ARHGAP44: variants seen among roughly 807,000 people sequenced by gnomAD.
The protein encoded by ARHGAP44 is Rho GTPase activating protein 44.
In ARHGAP44, 43 loss-of-function variants were observed where a neutral mutation model predicts 106.8. The ratio of observed to expected loss-of-function variants is 0.40; its 90% CI spans 0.32 to 0.52. The LOEUF (loss-of-function observed/expected upper bound fraction) is 0.52, where lower values mean the gene tolerates loss of function less well. Among genes scored for constraint, ARHGAP44 ranks in the 20% least tolerant of loss-of-function variants. The probability of loss-of-function intolerance (pLI) is 0.48; values close to 1 mark genes in which losing one functional copy is unlikely to be tolerated. For synonymous variants in ARHGAP44, 439 were observed against 410.3 expected (o/e 1.07, Z -0.85); for missense variants, 866 against 1,050.5 (o/e 0.82, Z 2.43).
chr17:12,944,048 CTT>C lies in ARHGAP44; in HGVS notation c.734-19_734-18del, dbSNP rs773051397. ...GAACTTGGCGAACAGCTGACTGACT[CTT>C]TCTCACTCCTCCCCTCAGAGGCCTG... is the stretch of plus-strand genomic sequence containing the variant. On this transcript the variant is annotated intron_variant, in intron 9 of 20. Coordinates refer to ENST00000379672, the MANE Select transcript of ARHGAP44 (RefSeq NM_014859.6). 14 of 1,580,428 alleles carry C rather than the reference CTT, an allele frequency of 8.9e-6. No individual in the cohort carries two copies. The highest frequency in any genetic ancestry group is 1.3e-5 in the African/African-American group (1 of 74,092).
chr17:12,791,860 C>T (rs577705064), intron 1 of ARHGAP44, among the ~76,000 whole-genome samples: 3 of 152,290 alleles, frequency 2.0e-5, no homozygotes, highest in Middle Eastern at 3.4e-3. Flanking sequence ...TTGTGTTGTG[C>T]ACTGGGCCAG....
At chr17:12,861,570 GTCCTCATACCACATCGCTCTGA>G (rs1177349979) in intron 1 of ARHGAP44, among the ~76,000 whole-genome samples, 1 of 151,200 alleles carries the variant, frequency 6.6e-6, no homozygotes, top group Non-Finnish European at 1.5e-5. Flanking sequence ...GGGTTGTGCT[GTCCTCATACCACATCGCTCTGA>G]TCCTTCTTTG....
Position 12,981,855 on chromosome 17 carries a change from A to G in ARHGAP44, c.1939+1622A>G, listed in dbSNP as rs555196366. On this transcript the variant is annotated intron_variant, in intron 19 of 20. Coordinates refer to ENST00000379672, the MANE Select transcript of ARHGAP44 (RefSeq NM_014859.6). ...GTGAAACCCGTCTCTACTAAAATAT[A>G]AAAAAATCAGCTGGGCGTGGTGGTG... is the stretch of plus-strand genomic sequence containing the variant. 5.9e-5 allele frequency among the ~76,000 whole-genome samples: 9 copies of G among 152,012 alleles called. No homozygotes were observed. In the East Asian group the frequency reaches 1.8e-3, roughly 30 times the overall value.
At chr17:12,803,242 G>C (rs1597862948) in intron 1 of ARHGAP44, among the ~76,000 whole-genome samples, 1 of 151,776 alleles carries the variant, frequency 6.6e-6, no homozygotes, top group East Asian at 2.0e-4. Context: ...AAAGTGCTGG[G>C]ATTACAAGCG....
chr17:12,974,099 A>C lies in ARHGAP44; in HGVS notation c.1552A>C (p.Arg518=). 6.4e-7 allele frequency: 1 copy of C among 1,567,920 alleles called. No homozygotes were observed. Among genetic ancestry groups the C allele is most frequent in the Non-Finnish European group, 8.6e-7 (1 of 1,156,284 alleles). Residue 518 remains arginine (R), a synonymous_variant, in exon 18 of 21, where the codon AGG becomes CGG. Transcript: ENST00000379672. ...GLRKIQSMGV[R]VMDTNWVARR... ...TGTGTCCCTCGCCAGCATGGGTGTG[A>C]GGGTCATGGACACAAACTGGGTGGC...
intron 16 of ARHGAP44, among the ~76,000 whole-genome samples, chr17:12,965,938 A>G (rs1349077172): frequency 6.6e-6 from 1 of 152,150 alleles, no homozygotes; most frequent in African/African-American, 2.4e-5. Flanking sequence ...GGACTGCTTG[A>G]GGCCAGGAGC....
chr17:12,989,915 T>G lies in ARHGAP44; in HGVS notation c.2318-117T>G. 2.1e-6 allele frequency: 3 copies of G among 1,422,190 alleles called. No individual in the cohort carries two copies. The Admixed American group carries it at 5.7e-5, about 27-fold the overall frequency. The allele number at this position is 1,422,190 out of a possible 1,614,324, so 88.1% of individuals were successfully genotyped here. On this transcript the variant is annotated intron_variant, in intron 20 of 20. Transcript: ENST00000379672. ...AATGCTTAAACCAACCTCCAAATGA[T>G]CTATCCCTAGAATAGCAGCACCCCT...
intron 8 of ARHGAP44, among the ~76,000 whole-genome samples, chr17:12,941,676 T>C (rs568294493): frequency 2.0e-5 from 3 of 152,324 alleles, no homozygotes; most frequent in East Asian, 3.9e-4. Flanking sequence ...AGGTATATGA[T>C]GATTGATGTG....
chr17:12,810,861 G>A (rs942137979), intron 1 of ARHGAP44, among the ~76,000 whole-genome samples: 3 of 152,182 alleles, frequency 2.0e-5, no homozygotes, highest in Non-Finnish European at 4.4e-5. Context: ...AAATCCAGGT[G>A]TAACTTTTGA....
At chr17:12,964,896 C>T (rs2039353246) in intron 16 of ARHGAP44, among the ~76,000 whole-genome samples, 1 of 152,226 alleles carries the variant, frequency 6.6e-6, no homozygotes. Context: ...TCTCTCCTCT[C>T]TGTCTCCACG....
intron 1 of ARHGAP44, among the ~76,000 whole-genome samples, chr17:12,853,157 C>A (rs2035811188): frequency 6.6e-6 from 1 of 152,150 alleles, no homozygotes. Context: ...GCCTGAGAGC[C>A]CCTGGCAAAC....
At chr17:12,816,900 A>G (rs1016961261) in intron 1 of ARHGAP44, among the ~76,000 whole-genome samples, 2 of 152,168 alleles carry the variant, frequency 1.3e-5, no homozygotes, top group African/African-American at 4.8e-5. Flanking sequence ...CAACACTGTA[A>G]ACCAACTGGA....
intron 1 of ARHGAP44, among the ~76,000 whole-genome samples, chr17:12,863,540 A>G (rs1386903089): frequency 6.6e-6 from 1 of 152,146 alleles, no homozygotes; most frequent in African/African-American, 2.4e-5. Flanking sequence ...TACCTCTCAC[A>G]AGTGGATAGT....
At position 12,958,606 on chromosome 17, in the gene ARHGAP44, T is replaced by A; in HGVS notation, c.1343-111T>A. 9.4e-7 allele frequency: 1 copy of A among 1,068,242 alleles called. No individual in the cohort carries two copies. The highest frequency in any genetic ancestry group is 2.5e-5 in the Admixed American group (1 of 39,264). 66.2% of individuals were successfully genotyped at this position (1,068,242 alleles called of 1,614,324 possible). ...TAATAAGGTGAACCATGGGATGAAA[T>A]TTTCTAGGGATGACATACGAGGGAG... On this transcript the variant is annotated intron_variant, in intron 15 of 20. Coordinates refer to ENST00000379672, the MANE Select transcript of ARHGAP44 (RefSeq NM_014859.6). This position sits in a 1 kb window ranked among gnomAD's most constrained non-coding sequence, Gnocchi z 4.1.
At chr17:12,989,572 T>TAAG (rs1156942513) in intron 20 of ARHGAP44, among the ~76,000 whole-genome samples, 1 of 152,188 alleles carries the variant, frequency 6.6e-6, no homozygotes, top group Non-Finnish European at 1.5e-5. Context: ...CAGCTGTTTC[T>TAAG]TAGAGTGAGG....
Position 12,990,042 on chromosome 17 carries a change from CTT to C in ARHGAP44, c.2330_2331del (p.Phe777Ter). 1 of 1,603,440 alleles carries C rather than the reference CTT, an allele frequency of 6.2e-7. No homozygotes were observed. The highest frequency in any genetic ancestry group is 8.5e-7 in the Non-Finnish European group (1 of 1,170,928). ...GESMSTDLVH[F>X]DIPSIHIELG... Reference sequence around the variant, plus strand: ...TCTGCCGCCTTCCAGATCTTGTCCACTTTGATATTCCCTCGATCCACATAGAG... The same window carrying C: ...TCTGCCGCCTTCCAGATCTTGTCCACTGATATTCCCTCGATCCACATAGAG... On this transcript the variant is annotated frameshift_variant, in exon 21 of 21. Coordinates refer to ENST00000379672, the MANE Select transcript of ARHGAP44 (RefSeq NM_014859.6). LOFTEE classifies it high-confidence loss of function.
chr17:12,902,006 C>T (rs2037388911), intron 3 of ARHGAP44, among the ~76,000 whole-genome samples: 1 of 152,102 alleles, frequency 6.6e-6, no homozygotes, highest in African/African-American at 2.4e-5. Context: ...CACCCCAAAC[C>T]CTTCCCTCCT....
intron 1 of ARHGAP44, among the ~76,000 whole-genome samples, chr17:12,826,194 C>G (rs2150804578): frequency 6.6e-6 from 1 of 152,218 alleles, no homozygotes; most frequent in Admixed American, 6.5e-5. Flanking sequence ...AAGCCCAGTA[C>G]TCGTTAGGTA....
chr17:12,967,326 C>G (rs1415538789), intron 16 of ARHGAP44, among the ~76,000 whole-genome samples: 2 of 144,162 alleles, frequency 1.4e-5, no homozygotes, highest in African/African-American at 5.2e-5. Flanking sequence ...AACTCCTGGG[C>G]TCAATGATCC....
Sources: gnomAD v4.1 joint callset for allele counts (sites outside exome capture counted in the v4.1 genomes callset) on GRCh38, gnomAD v4.1.1 for gene constraint, Gnocchi (gnomAD v3.1) non-coding constraint, MANE v1.5 for transcripts, NCBI Gene and HGNC (gene_info 2026-07-23, HGNC 2026-07-21) for gene names.